Variants in KYAT3 observed in about 807,000 individuals in gnomAD.
KYAT3 encodes the protein kynurenine--oxoglutarate transaminase 3.
KYAT3 carries 50 observed loss-of-function variants against 59.0 expected under a neutral mutation model. The observed-to-expected ratio is 0.85, with a 90% confidence interval of 0.68 to 1.07. KYAT3 has a LOEUF of 1.07. Among genes scored for constraint, KYAT3 ranks in the 50% least tolerant of loss-of-function variants. The pLI is 0.00. For synonymous variants in KYAT3, 148 were observed against 177.0 expected (o/e 0.84, Z 1.30); for missense variants, 497 against 533.3 (o/e 0.93, Z 0.67).
chr1:88,968,230 T>C (rs946202066), intron 4 of KYAT3, among the ~76,000 whole-genome samples: 3 of 152,174 alleles, frequency 2.0e-5, no homozygotes, highest in African/African-American at 7.2e-5. Flanking sequence ...AGTTCAAAGG[T>C]ACGTCTGATC....
At chr1:88,970,673 A>G (rs916285830) in intron 2 of KYAT3, among the ~76,000 whole-genome samples, 27 of 152,162 alleles carry the variant, frequency 1.8e-4, no homozygotes, top group African/African-American at 6.3e-4. Context: ...ATAGCATACA[A>G]TTTTTTAGTT....
rs1195095770 is a variant in KYAT3 at position 88,949,156 on chromosome 1, C to T, written c.1076G>A (p.Ser359Asn). 6.2e-7 allele frequency: 1 copy of T among 1,610,194 alleles called. No individual in the cohort carries two copies. Among genetic ancestry groups the T allele is most frequent in the Admixed American group, 1.7e-5 (1 of 59,054 alleles). Residue 359 changes from serine to asparagine, a missense_variant, in exon 11 of 14, where the codon AGT (serine) becomes AAT (asparagine). Ser to Asn is a conservative substitution (Grantham distance 46). Coordinates refer to ENST00000260508, the MANE Select transcript of KYAT3 (RefSeq NM_001008661.3). The stretch of plus-strand genomic sequence containing the variant: ...AGGAACTATGGGTTTTAGGCCAACA[C>T]TTTCAAGTAAACGTACCATCCGATC... Reference protein sequence around the residue: ...KRDRMVRLLESVGLKPIVPDG... With the variant: ...KRDRMVRLLENVGLKPIVPDG...
rs938544097 is a variant in KYAT3 at position 88,943,998 on chromosome 1, A to G, written c.1142-575T>C. On this transcript the variant is annotated intron_variant, in intron 11 of 13. Transcript: ENST00000260508. Reference sequence around the variant, plus strand: ...TATCTGTTTAGATCTTCCAAATGCTACTCTTATTTTTCATCTCTTGCTCCC... The same window carrying G: ...TATCTGTTTAGATCTTCCAAATGCTGCTCTTATTTTTCATCTCTTGCTCCC... Among the ~76,000 whole-genome samples the G allele has an allele frequency of 3.3e-5, 5 of 152,110 alleles. No homozygotes were observed. In the East Asian group the frequency reaches 5.8e-4, roughly 18 times the overall value.
chr1:88,939,675 TA>T (rs1274736100), intron 13 of KYAT3, among the ~76,000 whole-genome samples: 1 of 152,264 alleles, frequency 6.6e-6, no homozygotes, highest in African/African-American at 2.4e-5. Flanking sequence ...CCTAATATTT[TA>T]AAAATTATTT....
intron 8 of KYAT3, among the ~76,000 whole-genome samples, chr1:88,959,173 G>T (rs1324611068): frequency 6.6e-6 from 1 of 151,880 alleles, no homozygotes; most frequent in East Asian, 1.9e-4. Context: ...ATAGCTATTT[G>T]GGGGGCTGAG....
At chr1:88,968,903 AAAT>A in intron 3 of KYAT3, 89 bp from the exon 4 acceptor site, 1 of 980,360 alleles carries the variant, frequency 1.0e-6, no homozygotes, top group Non-Finnish European at 1.5e-6. Flanking sequence ...CAAAACAGAC[AAAT>A]AAGACCCTAG....
chr1:88,971,088 T>C (rs1325639945), intron 2 of KYAT3, among the ~76,000 whole-genome samples: 2 of 152,180 alleles, frequency 1.3e-5, no homozygotes, highest in Non-Finnish European at 1.5e-5. Flanking sequence ...GGTTGAAATA[T>C]CTATCTTAAC....
At chr1:88,991,505 T>C (rs770163079) in intron 1 of KYAT3, among the ~76,000 whole-genome samples, 5 of 152,204 alleles carry the variant, frequency 3.3e-5, no homozygotes, top group Admixed American at 6.5e-5. Context: ...GCTTCTAGAA[T>C]GTTTATAAGG....
At chr1:88,927,106 C>A in the KYAT3 span, among the ~76,000 whole-genome samples, 1 of 152,158 alleles carries the variant, frequency 6.6e-6, no homozygotes, top group East Asian at 1.9e-4. Context: ...GGTTACGCAC[C>A]CTGGAAGGGA....
intron 1 of KYAT3, among the ~76,000 whole-genome samples, chr1:88,988,801 A>T (rs1677621247): frequency 1.3e-5 from 2 of 152,228 alleles, no homozygotes; most frequent in Admixed American, 1.3e-4. Flanking sequence ...ACAGTTATTT[A>T]AAAAGTTGTT....
intron 2 of KYAT3, among the ~76,000 whole-genome samples, chr1:88,978,345 T>C (rs1163112989): frequency 6.6e-6 from 1 of 151,848 alleles, no homozygotes; most frequent in Non-Finnish European, 1.5e-5. Context: ...GGAGTTGTGG[T>C]GTCTTTTTTT....
downstream of KYAT3, among the ~76,000 whole-genome samples, chr1:88,931,650 T>C (rs1557675217): frequency 1.3e-5 from 2 of 152,084 alleles, no homozygotes; most frequent in East Asian, 3.9e-4. Context: ...CACGTCCACC[T>C]TTAAACACGG....
chr1:88,983,908 C>T, intron 2 of KYAT3: 1 of 1,543,136 alleles, frequency 6.5e-7, no homozygotes, highest in Non-Finnish European at 8.9e-7. Flanking sequence ...CCTAGCAGCT[C>T]AGCACCAGTG....
At chr1:88,983,622 T>G (rs769833273) in intron 2 of KYAT3, 13 of 1,614,048 alleles carry the variant, frequency 8.1e-6, no homozygotes, top group Non-Finnish European at 1.7e-6. Context: ...TTTCCATTCA[T>G]GTCTCTGGCT....
At chr1:88,982,861 T>C (rs745605295) in intron 2 of KYAT3, 2 of 1,613,974 alleles carry the variant, frequency 1.2e-6, no homozygotes, top group South Asian at 1.1e-5. Context: ...TGTCTCGACT[T>C]CCACCATATC....
At chr1:88,957,265 T>C (rs1050908768) in intron 8 of KYAT3, among the ~76,000 whole-genome samples, 1 of 152,224 alleles carries the variant, frequency 6.6e-6, no homozygotes. Flanking sequence ...AGGAATACTT[T>C]AAGATTTGAT....
Position 88,961,170 on chromosome 1 carries a change from T to C in KYAT3, c.784A>G (p.Ile262Val). 6.2e-7 allele frequency: 1 copy of C among 1,613,318 alleles called. No individual in the cohort carries two copies. The highest frequency in any genetic ancestry group is 8.5e-7 in the Non-Finnish European group (1 of 1,179,780). Residue 262 changes from isoleucine (I) to valine (V), a missense_variant, in exon 8 of 14, where the codon ATA becomes GTA. Physicochemically the swap from Ile to Val is conservative, Grantham distance 29. Transcript: ENST00000260508. ...GACTCTGTGTTATAGTTGGTACCTATTTTTAAGTGCTTATTTCCAGAATAT... is the reference window on the plus strand; with the variant it reads ...GACTCTGTGTTATAGTTGGTACCTACTTTTAAGTGCTTATTTCCAGAATAT... ...LVYSGNKHLK[I>V]ATFPGMWERT...
chr1:88,973,946 G>T (rs1676658131), intron 2 of KYAT3, among the ~76,000 whole-genome samples: 1 of 152,192 alleles, frequency 6.6e-6, no homozygotes, highest in South Asian at 2.1e-4. Flanking sequence ...GAAGCTGGGA[G>T]AATTGAGGCT....
chr1:88,959,734 C>T (rs560700392), intron 8 of KYAT3, among the ~76,000 whole-genome samples: 11 of 151,624 alleles, frequency 7.3e-5, no homozygotes, highest in African/African-American at 2.7e-4. Context: ...GTTTCTATTT[C>T]TCTGTTTAGC....
Sources: allele counts gnomAD v4.1 joint callset (sites outside exome capture counted in the v4.1 genomes callset), GRCh38; gene constraint gnomAD v4.1.1; transcripts MANE v1.5; gene names NCBI Gene and HGNC (gene_info 2026-07-23, HGNC 2026-07-21).